TWIST1: variants seen among roughly 807,000 people sequenced by gnomAD.
The protein encoded by TWIST1 is twist-related protein 1.
Under a neutral mutation model 12.9 loss-of-function variants are expected in TWIST1, and 8 were observed. That is an observed-to-expected ratio of 0.62 (90% CI 0.37 to 1.12). The LOEUF (loss-of-function observed/expected upper bound fraction) is 1.12. Among genes scored for constraint, TWIST1 ranks in the 50% most tolerant of loss-of-function variants. The probability of loss-of-function intolerance (pLI) is 0.02; values close to 1 mark genes in which losing one functional copy is unlikely to be tolerated. For synonymous variants in TWIST1, 169 were observed against 138.7 expected (o/e 1.22, Z -1.54); for missense variants, 268 against 299.7 (o/e 0.89, Z 0.78).
downstream of TWIST1, among the ~76,000 whole-genome samples, chr7:19,114,999 T>C (rs1391430727): frequency 6.6e-6 from 1 of 152,346 alleles, no homozygotes; most frequent in East Asian, 1.9e-4. Flanking sequence ...TTTCTATGCA[T>C]TTCTGGTCAT....
rs1283212255 is a variant in TWIST1 at position 19,117,361 on chromosome 7, G to A, written c.-40C>T. ...CGCGTGGCCTCGCGGGCCCGGGGCA[G>A]AGGAGAAGAGCGGGGCGCCTCAGCC... is the stretch of plus-strand genomic sequence containing the variant. On this transcript the variant is annotated 5_prime_UTR_variant, in exon 1 of 2. Coordinates refer to ENST00000242261, the MANE Select transcript of TWIST1 (RefSeq NM_000474.4). 4 of 1,401,900 alleles carry A rather than the reference G, an allele frequency of 2.9e-6. No homozygotes were observed. The South Asian group carries it at 4.2e-5, about 15-fold the overall frequency. 86.8% of individuals were successfully genotyped at this position (1,401,900 alleles called of 1,614,324 possible). A position where few individuals can be genotyped will look rare whatever the true frequency, so the allele number is the denominator to read the frequency against.
At chr7:19,114,715 G>A (rs1039925779), downstream of TWIST1, among the ~76,000 whole-genome samples, 1 of 152,098 alleles carries the variant, frequency 6.6e-6, no homozygotes, top group Non-Finnish European at 1.5e-5. Flanking sequence ...TAACTGCATA[G>A]CTGTAGTATT....
At position 19,117,028 on chromosome 7, in the gene TWIST1, C is replaced by CCCG. The variant is rs778235880; in HGVS notation, c.291_293dup (p.Gly98dup). On this transcript the variant is annotated inframe_insertion, in exon 1 of 2. Transcript: ENST00000242261. ...GCAGCTCCTCGTAAGACTGCGGACT[C>CCCG]CCGCCGCCGCTGCTGCTGCCGCCGC... is the stretch of plus-strand genomic sequence containing the variant. The CCCG allele has an allele frequency of 7.3e-6, 11 of 1,498,268 alleles. No individual in the cohort carries two copies. The highest frequency in any genetic ancestry group is 4.7e-5 in the Admixed American group (2 of 42,640). 92.8% of individuals were successfully genotyped at this position (1,498,268 alleles called of 1,614,324 possible).
Position 19,117,381 on chromosome 7 carries a change from T to C in TWIST1, c.-60A>G. The stretch of plus-strand genomic sequence containing the variant: ...GGGCAGAGGAGAAGAGCGGGGCGCC[T>C]CAGCCCGCCAGCTTCCCCCGCGCGC... On this transcript the variant is annotated 5_prime_UTR_variant, in exon 1 of 2. Coordinates refer to ENST00000242261, the MANE Select transcript of TWIST1 (RefSeq NM_000474.4). The C allele has an allele frequency of 1.5e-6, 2 of 1,348,944 alleles. No homozygotes were observed. Among genetic ancestry groups the C allele is most frequent in the Non-Finnish European group, 1.9e-6 (2 of 1,044,288 alleles). 83.6% of individuals were successfully genotyped at this position (1,348,944 alleles called of 1,614,324 possible).
downstream of TWIST1, among the ~76,000 whole-genome samples, chr7:19,115,091 G>C (rs1033733205): frequency 6.6e-6 from 1 of 152,168 alleles, no homozygotes; most frequent in African/African-American, 2.4e-5. Context: ...TCTTCACAAA[G>C]AGTGAAGAGC....
chr7:19,115,722 G>C lies in TWIST1; in HGVS notation c.*452C>G, dbSNP rs1299092231. On this transcript the variant is annotated 3_prime_UTR_variant, in exon 2 of 2. Coordinates refer to ENST00000242261, the MANE Select transcript of TWIST1 (RefSeq NM_000474.4). The stretch of plus-strand genomic sequence containing the variant: ...GATCCCAGTATTTTTATTTCTAAAG[G>C]TGTTCTTATAGTTCCTCTGATTGTT... 3 of 151,940 alleles carry C rather than the reference G, an allele frequency of 2.0e-5. No homozygotes were observed. Among genetic ancestry groups the C allele is most frequent in the Non-Finnish European group, 4.4e-5 (3 of 67,952 alleles). 9.4% of individuals were successfully genotyped at this position (151,940 alleles called of 1,614,324 possible).
At position 19,116,666 on chromosome 7, in the gene TWIST1, C is replaced by A; in HGVS notation, c.*42+5G>T. On this transcript the variant is annotated splice_donor_5th_base_variant and intron_variant, in intron 1 of 1. Transcript: ENST00000242261. Reference sequence around the variant, plus strand: ...GGCGAAGGGGTGCAGCGGCGCGGTCCTTACCTAGGTCTCCGGCCCTGCTGA... The same window carrying A: ...GGCGAAGGGGTGCAGCGGCGCGGTCATTACCTAGGTCTCCGGCCCTGCTGA... 6.4e-7 allele frequency: 1 copy of A among 1,556,524 alleles called. No homozygotes were observed. Among genetic ancestry groups the A allele is most frequent in the Non-Finnish European group, 8.7e-7 (1 of 1,153,036 alleles).
Position 19,117,339 on chromosome 7 carries a change from G to C in TWIST1, c.-18C>G. 2.1e-6 allele frequency: 3 copies of C among 1,444,970 alleles called. No homozygotes were observed. Among genetic ancestry groups the C allele is most frequent in the Non-Finnish European group, 2.7e-6 (3 of 1,098,796 alleles). 89.5% of individuals were successfully genotyped at this position (1,444,970 alleles called of 1,614,324 possible). ...TGCATCATCTCTCGAGCGGCGACGC[G>C]TGGCCTCGCGGGCCCGGGGCAGAGG... On this transcript the variant is annotated 5_prime_UTR_variant, in exon 1 of 2. Coordinates refer to ENST00000242261, the MANE Select transcript of TWIST1 (RefSeq NM_000474.4).
At position 19,117,527 on chromosome 7, in the gene TWIST1, T is replaced by TACACC. The variant is rs1240782757; in HGVS notation, c.-207_-206insGGTGT. ...GAGGCGGGAGGGGGAGGGGACGGTG[T>TACACC]GGATGGCCCCGAGGTCCAAAAAGAA... On this transcript the variant is annotated 5_prime_UTR_variant, in exon 1 of 2. Coordinates refer to ENST00000242261, the MANE Select transcript of TWIST1 (RefSeq NM_000474.4). The TACACC allele has an allele frequency of 1.8e-5, 21 of 1,178,056 alleles. No homozygotes were observed. Among genetic ancestry groups the TACACC allele is most frequent in the Non-Finnish European group, 2.2e-5 (21 of 944,394 alleles). 73.0% of individuals were successfully genotyped at this position (1,178,056 alleles called of 1,614,324 possible).
rs781725395 is a variant in TWIST1, at chr7:19,116,672, T to C, written c.*41A>G. ...GGGGTGCAGCGGCGCGGTCCTTACC[T>C]AGGTCTCCGGCCCTGCTGAGGGGGT... On this transcript the variant is annotated splice_region_variant and 3_prime_UTR_variant, in exon 1 of 2. Transcript: ENST00000242261. The C allele has an allele frequency of 3.8e-5, 60 of 1,563,456 alleles. No individual in the cohort carries two copies. Among genetic ancestry groups the C allele is most frequent in the South Asian group, 1.4e-4 (12 of 85,344 alleles).
At chr7:19,113,534 T>G (rs1788511028), downstream of TWIST1, 1 of 152,158 alleles carries the variant, frequency 6.6e-6, no homozygotes, top group Admixed American at 6.5e-5. Flanking sequence ...ATTTCACGAT[T>G]TATGTCTTGT....
At chr7:19,113,450 A>G (rs186038476), downstream of TWIST1, 10 of 152,350 alleles carry the variant, frequency 6.6e-5, no homozygotes, top group East Asian at 7.7e-4. Flanking sequence ...ATAAAATGAA[A>G]TAACATAAAA....
intron 1 of TWIST1, 31 bp downstream of exon 1, chr7:19,116,640 A>T: frequency 6.6e-7 from 1 of 1,504,670 alleles, no homozygotes; most frequent in Non-Finnish European, 8.9e-7. Flanking sequence ...GCCACCTGAG[A>T]GGCGAAGGGG....
In TWIST1 at chr7:19,115,935, C is replaced by A. The variant is rs548062966; in HGVS notation, c.*239G>T. Reference sequence around the variant, plus strand: ...ATGCAGAGGTGTGAGGATGGTGCCGCTGCCCGTCTGGGAATCACTGTCCAC... The same window carrying A: ...ATGCAGAGGTGTGAGGATGGTGCCGATGCCCGTCTGGGAATCACTGTCCAC... On this transcript the variant is annotated 3_prime_UTR_variant, in exon 2 of 2. Transcript: ENST00000242261. 9.9e-5 allele frequency: 15 copies of A among 152,140 alleles called. No homozygotes were observed. Among genetic ancestry groups the A allele is most frequent in the Middle Eastern group, 3.6e-3 (1 of 280 alleles). The allele number at this position is 152,140 out of a possible 1,614,324, so 9.4% of individuals were successfully genotyped here.
At chr7:19,116,640 A>C in intron 1 of TWIST1, 31 bp downstream of exon 1, 1 of 1,504,672 alleles carries the variant, frequency 6.6e-7, no homozygotes, top group Non-Finnish European at 8.9e-7. Context: ...GCCACCTGAG[A>C]GGCGAAGGGG....
rs1017912815 is a variant in TWIST1 at position 19,117,454 on chromosome 7, G to C, written c.-133C>G. On this transcript the variant is annotated 5_prime_UTR_variant, in exon 1 of 2. Coordinates refer to ENST00000242261, the MANE Select transcript of TWIST1 (RefSeq NM_000474.4). ...CCCGCGGAGGAGAGAGCAGGAGGACGGACGGGAGGGACCTCCGCGGGGAGG... is the reference window on the plus strand; with the variant it reads ...CCCGCGGAGGAGAGAGCAGGAGGACCGACGGGAGGGACCTCCGCGGGGAGG... The C allele has an allele frequency of 5.0e-5, 60 of 1,191,618 alleles. No individual in the cohort carries two copies. Among genetic ancestry groups the C allele is most frequent in the Admixed American group, 1.4e-4 (3 of 21,392 alleles). The allele number at this position is 1,191,618 out of a possible 1,614,324, so 73.8% of individuals were successfully genotyped here. A position where few individuals can be genotyped will look rare whatever the true frequency, so the allele number is the denominator to read the frequency against.
At position 19,116,685 on chromosome 7, in the gene TWIST1, C is replaced by A; in HGVS notation, c.*28G>T. ...GCGGTCCTTACCTAGGTCTCCGGCCCTGCTGAGGGGGTGGGGGGCTCCGCC... is the reference window on the plus strand; with the variant it reads ...GCGGTCCTTACCTAGGTCTCCGGCCATGCTGAGGGGGTGGGGGGCTCCGCC... On this transcript the variant is annotated 3_prime_UTR_variant, in exon 1 of 2. Transcript: ENST00000242261. The A allele has an allele frequency of 6.3e-7, 1 of 1,578,426 alleles. No individual in the cohort carries two copies. The highest frequency in any genetic ancestry group is 8.6e-7 in the Non-Finnish European group (1 of 1,163,674).
rs1788603319 is a variant in TWIST1, at chr7:19,117,490, G to T, written c.-169C>A. The stretch of plus-strand genomic sequence containing the variant: ...ACCTCCGCGGGGAGGGCGCGCGGGG[G>T]AGGCGGGGAGGGAGGCGGGAGGGGG... On this transcript the variant is annotated 5_prime_UTR_variant, in exon 1 of 2. Transcript: ENST00000242261. 8 of 1,190,820 alleles carry T rather than the reference G, an allele frequency of 6.7e-6. No homozygotes were observed. In the Admixed American group the frequency reaches 2.4e-4, roughly 35 times the overall value. 73.8% of individuals were successfully genotyped at this position (1,190,820 alleles called of 1,614,324 possible). A position where few individuals can be genotyped will look rare whatever the true frequency, so the allele number is the denominator to read the frequency against.
At chr7:19,114,309 G>A (rs946587091), downstream of TWIST1, 3 of 152,174 alleles carry the variant, frequency 2.0e-5, no homozygotes, top group African/African-American at 7.2e-5. Flanking sequence ...ATGGTGCTGT[G>A]TGAAGAAGAA....
Sources: allele counts gnomAD v4.1 joint callset (sites outside exome capture counted in the v4.1 genomes callset), GRCh38; gene constraint gnomAD v4.1.1; transcripts MANE v1.5; gene names NCBI Gene and HGNC (gene_info 2026-07-23, HGNC 2026-07-21).